AGBL1: variants seen among roughly 807,000 people sequenced by gnomAD.
AGBL1 encodes AGBL carboxypeptidase 1, also known as cytosolic carboxypeptidase 4.
Under a neutral mutation model 118.9 loss-of-function variants are expected in AGBL1, and 130 were observed. That is an observed-to-expected ratio of 1.09 (90% confidence interval 0.95 to 1.26). The LOEUF is 1.26. AGBL1 is among the 50% of genes most tolerant of loss of function. AGBL1 has a pLI of 0.00. For synonymous variants in AGBL1, 555 were observed against 478.9 expected (o/e 1.16, Z -2.08); for missense variants, 1,584 against 1,298.1 (o/e 1.22, Z -3.38).
intron 19 of AGBL1, among the ~76,000 whole-genome samples, chr15:86,537,015 C>T (rs1291326324): frequency 2.0e-5 from 3 of 152,226 alleles, no homozygotes; most frequent in African/African-American, 7.2e-5. Flanking sequence ...AAGTTCTCAT[C>T]GCAGACAGTG....
At chr15:86,396,413 C>G (rs2081365244) in intron 17 of AGBL1, among the ~76,000 whole-genome samples, 1 of 151,966 alleles carries the variant, frequency 6.6e-6, no homozygotes, top group Non-Finnish European at 1.5e-5. Context: ...AGCACATTCT[C>G]CATAAAGACT....
rs796174635 is a variant in AGBL1 at position 86,716,357 on chromosome 15, C to T, written c.3158+41921C>T. Reference sequence around the variant, plus strand: ...AAAGGCTCGGAAGTGTAGTGGGGTCCCATGGAGGGCTTTAGTTGATGATGT... The same window carrying T: ...AAAGGCTCGGAAGTGTAGTGGGGTCTCATGGAGGGCTTTAGTTGATGATGT... On this transcript the variant is annotated intron_variant, in intron 22 of 22. Transcript: ENST00000614907. 4.9e-4 allele frequency among the ~76,000 whole-genome samples: 75 copies of T among 152,032 alleles called. 1 individual carries two copies. The highest frequency in any genetic ancestry group is 1.8e-3 in the African/African-American group (74 of 41,480).
At chr15:86,967,765 C>T (rs1249157166) in intron 23 of AGBL1, among the ~76,000 whole-genome samples, 1 of 152,068 alleles carries the variant, frequency 6.6e-6, no homozygotes, top group Non-Finnish European at 1.5e-5. Flanking sequence ...AGCATGATGC[C>T]TCCAGCTTTG....
rs1367977492 is a variant in AGBL1 at position 86,966,324 on chromosome 15, CT to C, written c.3222-21653del. Among the ~76,000 whole-genome samples, 19 of 136,354 alleles carry C rather than the reference CT, an allele frequency of 1.4e-4. No homozygotes were observed. The South Asian group carries it at 1.4e-3, about 10-fold the overall frequency. 89.5% of individuals were successfully genotyped at this position (136,354 alleles called of 152,430 possible). On this transcript the variant is annotated intron_variant, in intron 23 of 24. Coordinates refer to the AGBL1 transcript ENST00000441037. ...GAAATCCTCATTCTTTGGCCCATAT[CT>C]TTTTTTTTTATTATTATACTTTAAG... is the stretch of plus-strand genomic sequence containing the variant.
At chr15:86,371,337 G>A (rs918657057) in intron 17 of AGBL1, among the ~76,000 whole-genome samples, 2 of 152,232 alleles carry the variant, frequency 1.3e-5, no homozygotes, top group African/African-American at 4.8e-5. Context: ...AAATGGTGGA[G>A]TTGGACATGA....
At chr15:86,706,706 C>G (rs879929009) in intron 22 of AGBL1, among the ~76,000 whole-genome samples, 4 of 152,068 alleles carry the variant, frequency 2.6e-5, no homozygotes, top group African/African-American at 7.2e-5. Context: ...CAAATGCATC[C>G]CATTGTTTGT....
At chr15:86,764,622 T>C (rs2078070647) in intron 22 of AGBL1, among the ~76,000 whole-genome samples, 1 of 152,112 alleles carries the variant, frequency 6.6e-6, no homozygotes, top group African/African-American at 2.4e-5. Context: ...GCGTTGTTTA[T>C]GATCTACAAG....
intron 21 of AGBL1, among the ~76,000 whole-genome samples, chr15:86,621,787 A>G (rs1567087482): frequency 6.6e-6 from 1 of 152,208 alleles, no homozygotes; most frequent in Non-Finnish European, 1.5e-5. Context: ...TTGTTGAGAG[A>G]AATAAATCAT....
chr15:86,528,097 GGGA>G (rs1387468015), intron 19 of AGBL1, among the ~76,000 whole-genome samples: 3 of 152,160 alleles, frequency 2.0e-5, no homozygotes, highest in Non-Finnish European at 4.4e-5. Context: ...CTTTTCTGGG[GGGA>G]GGAGCCAAGA....
At chr15:86,187,173 TAG>T (rs560451582) in intron 5 of AGBL1, among the ~76,000 whole-genome samples, 2 of 152,332 alleles carry the variant, frequency 1.3e-5, no homozygotes, top group Admixed American at 1.3e-4. Context: ...AGATTGTACA[TAG>T]TATCAGCAAT....
At chr15:87,019,391 C>G (rs1412542029) in intron 24 of AGBL1, among the ~76,000 whole-genome samples, 2 of 115,418 alleles carry the variant, frequency 1.7e-5, no homozygotes, top group Non-Finnish European at 3.5e-5. Context: ...TCAGCAAAAG[C>G]AATGTTATAA....
intron 17 of AGBL1, among the ~76,000 whole-genome samples, chr15:86,366,781 T>C (rs1035262708): frequency 1.3e-5 from 2 of 152,206 alleles, no homozygotes; most frequent in African/African-American, 4.8e-5. Flanking sequence ...GTCTCAGCTC[T>C]GTCGAAACAA....
Position 86,445,159 on chromosome 15 carries a change from C to G in AGBL1, c.2555+47613C>G, listed in dbSNP as rs369381965. Among the ~76,000 whole-genome samples, 11 of 152,288 alleles carry G rather than the reference C, an allele frequency of 7.2e-5. No individual in the cohort carries two copies. The East Asian group carries it at 1.4e-3, about 19-fold the overall frequency. Reference sequence around the variant, plus strand: ...CAGACAGGGGTCAAGAACAATCACACTGGCACTCAGCTTGACTTGAAGCCC... The same window carrying G: ...CAGACAGGGGTCAAGAACAATCACAGTGGCACTCAGCTTGACTTGAAGCCC... On this transcript the variant is annotated intron_variant, in intron 18 of 22. Coordinates refer to ENST00000614907, the MANE Select transcript of AGBL1 (RefSeq NM_001386094.1).
At chr15:86,989,696 A>T (rs1227195899) in intron 24 of AGBL1, among the ~76,000 whole-genome samples, 2 of 152,226 alleles carry the variant, frequency 1.3e-5, no homozygotes, top group Admixed American at 1.3e-4. Flanking sequence ...AATATGACAT[A>T]TGACAATGTT....
rs181885400 is a variant in AGBL1 at position 86,263,451 on chromosome 15, G to A, written c.1086+557G>A. On this transcript the variant is annotated intron_variant, in intron 10 of 22. Transcript: ENST00000614907. ...TGCATTTCTCAGAGCATTCCCCATT[G>A]TTAGGTAATGCATGACTGTAGCATG... is the stretch of plus-strand genomic sequence containing the variant. 1.2e-4 allele frequency among the ~76,000 whole-genome samples: 19 copies of A among 152,320 alleles called. No individual in the cohort carries two copies. In the East Asian group the frequency reaches 2.9e-3, roughly 23 times the overall value.
At position 86,539,765 on chromosome 15, in the gene AGBL1, C is replaced by T. The variant is rs566260567; in HGVS notation, c.2686-6237C>T. Among the ~76,000 whole-genome samples the T allele has an allele frequency of 7.2e-5, 11 of 152,282 alleles. No individual in the cohort carries two copies. In the South Asian group the frequency reaches 2.1e-3, roughly 29 times the overall value. ...ACCTCCCTTGAGAATCCCAGAAGCA[C>T]CACATAGCACACTTCCAAGGTGCTG... On this transcript the variant is annotated intron_variant, in intron 19 of 22. Transcript: ENST00000614907.
At chr15:86,829,297 A>G (rs2079073244) in intron 22 of AGBL1, among the ~76,000 whole-genome samples, 1 of 152,202 alleles carries the variant, frequency 6.6e-6, no homozygotes, top group South Asian at 2.1e-4. Flanking sequence ...ATATGAGAAT[A>G]CTGCTCCAAC....
intron 1 of AGBL1, among the ~76,000 whole-genome samples, chr15:86,094,231 A>C (rs1896211880): frequency 1.3e-5 from 2 of 152,126 alleles, no homozygotes; most frequent in South Asian, 4.1e-4. Context: ...AACTCTCCCT[A>C]AACTCATATA....
At position 86,909,317 on chromosome 15, in the gene AGBL1, C is replaced by A. The variant is rs1026042948; in HGVS notation, c.*2023C>A. The A allele has an allele frequency of 3.9e-5, 6 of 152,160 alleles. No homozygotes were observed. Among genetic ancestry groups the A allele is most frequent in the African/African-American group, 1.4e-4 (6 of 41,420 alleles). The allele number at this position is 152,160 out of a possible 1,614,324, so 9.4% of individuals were successfully genotyped here. On this transcript the variant is annotated 3_prime_UTR_variant, in exon 23 of 23. Transcript: ENST00000614907. ...ATTACATATCTGCCAAAAGACTTCT[C>A]CTGATGTTCCAAACACCACCAAGGG...
Sources: gnomAD v4.1 joint callset for allele counts (sites outside exome capture counted in the v4.1 genomes callset) on GRCh38, gnomAD v4.1.1 for gene constraint, MANE v1.5 for transcripts, NCBI Gene and HGNC (gene_info 2026-07-23, HGNC 2026-07-21) for gene names.